The following HMCN2 variants were observed in gnomAD, a reference collection of about 807,000 sequenced individuals.
The protein encoded by HMCN2 is hemicentin-2.
A neutral mutation model predicts 377.5 loss-of-function variants in HMCN2; 325 were observed. That is an observed-to-expected ratio of 0.86 (90% CI 0.79 to 0.94). The LOEUF (loss-of-function observed/expected upper bound fraction) is 0.94. Among genes scored for constraint, HMCN2 ranks in the 40% least tolerant of loss-of-function variants. The probability of loss-of-function intolerance (pLI) is 0.00; values close to 1 mark genes in which losing one functional copy is unlikely to be tolerated. For missense variants in HMCN2, 4,543 were observed against 4,725.3 expected (o/e 0.96, Z 1.13); for synonymous variants, 2,007 against 2,046.8 (o/e 0.98, Z 0.53).
At chr9:130,352,355 A>G (rs1396230723) in intron 30 of HMCN2, among the ~76,000 whole-genome samples, 2 of 152,254 alleles carry the variant, frequency 1.3e-5, no homozygotes, top group Non-Finnish European at 2.9e-5. Context: ...CCCAGCCTGC[A>G]TCTGCACTCT....
intron 1 of HMCN2, among the ~76,000 whole-genome samples, chr9:130,283,551 C>G (rs1231952708): frequency 6.6e-6 from 1 of 152,198 alleles, no homozygotes; most frequent in Non-Finnish European, 1.5e-5. Flanking sequence ...ACATTCCTAT[C>G]ACAATATAGA....
At chr9:130,364,011 AAAAG>A (rs910967089) in intron 40 of HMCN2, among the ~76,000 whole-genome samples, 14 of 152,232 alleles carry the variant, frequency 9.2e-5, no homozygotes, top group Non-Finnish European at 1.5e-4. Flanking sequence ...GAAAGAAAGA[AAAAG>A]AAAGAAAACG....
intron 46 of HMCN2, among the ~76,000 whole-genome samples, chr9:130,371,765 G>C (rs1253213255): frequency 6.6e-6 from 1 of 152,206 alleles, no homozygotes; most frequent in Non-Finnish European, 1.5e-5. Context: ...GACTGCATTG[G>C]GCCCAGTGGA....
Position 130,361,074 on chromosome 9 carries a change from C to T in HMCN2, c.5950+470C>T, listed in dbSNP as rs1445517356. 6.6e-6 allele frequency among the ~76,000 whole-genome samples: 1 copy of T among 152,192 alleles called. No homozygotes were observed. Among genetic ancestry groups the T allele is most frequent in the Non-Finnish European group, 1.5e-5 (1 of 68,038 alleles). ...ATTCACCATCCATTCAGTCATTCAA[C>T]TACCCATTCTTTCCTTGATCCATTT... On this transcript the variant is annotated intron_variant, in intron 38 of 97. Transcript: ENST00000683500. The surrounding 1 kb of genome is among the most constrained non-coding windows in gnomAD (Gnocchi z 4.8).
intron 76 of HMCN2, chr9:130,400,522 G>A (rs1298537576): frequency 4.7e-6 from 1 of 213,380 alleles, no homozygotes; most frequent in African/African-American, 2.4e-5. Context: ...CTTGTGATTA[G>A]CCACTGCATT....
At chr9:130,371,821 A>G (rs1841036531) in intron 46 of HMCN2, among the ~76,000 whole-genome samples, 1 of 152,230 alleles carries the variant, frequency 6.6e-6, no homozygotes, top group South Asian at 2.1e-4. Flanking sequence ...GGGTGCAGTA[A>G]CAGCAGTGGT....
chr9:130,297,116 T>G (rs1836209647), intron 7 of HMCN2, among the ~76,000 whole-genome samples: 1 of 152,258 alleles, frequency 6.6e-6, no homozygotes, highest in Non-Finnish European at 1.5e-5. Context: ...TTCTTCTTTC[T>G]TTTTGTCAAA....
chr9:130,299,003 G>T, intron 7 of HMCN2, 22 bp from the exon 8 acceptor site: 1 of 462,076 alleles, frequency 2.2e-6, no homozygotes, highest in Non-Finnish European at 4.5e-6. Flanking sequence ...CCAGCACTTT[G>T]TTCTTCACCT....
Position 130,379,472 on chromosome 9 carries a change from G to C in HMCN2, c.8431+5G>C. The stretch of plus-strand genomic sequence containing the variant: ...ATGAGGTGTCTGTGCTGCAAGGTGG[G>C]TCAGGGGTGCGTGAAGAAAGTGGGC... On this transcript the variant is annotated splice_donor_5th_base_variant and intron_variant, in intron 54 of 97. Transcript: ENST00000683500. 2 of 985,630 alleles carry C rather than the reference G, an allele frequency of 2.0e-6. No individual in the cohort carries two copies. Among genetic ancestry groups the C allele is most frequent in the Non-Finnish European group, 2.4e-6 (2 of 829,790 alleles). The allele number at this position is 985,630 out of a possible 1,614,324, so 61.1% of individuals were successfully genotyped here.
Position 130,397,642 on chromosome 9 carries a change from C to G in HMCN2, c.11313C>G (p.Asp3771Glu). 1.6e-6 allele frequency: 2 copies of G among 1,289,806 alleles called. No individual in the cohort carries two copies. The highest frequency in any genetic ancestry group is 2.0e-6 in the Non-Finnish European group (2 of 988,874). The allele number at this position is 1,289,806 out of a possible 1,614,324, so 79.9% of individuals were successfully genotyped here. The change falls in exon 74 of 98, where the codon GAC (aspartate) becomes GAG (glutamate). Residue 3771 changes from aspartate (D) to glutamate (E), a missense_variant. Transcript: ENST00000683500. ...CTGGCTCCGATCGTCAAGGCCGTGA[C>G]CTACGGGTCTTGGGTAGGTGGCCTG... ...NSAGSDRQGRDLRVLEPPAIA... is the reference protein window; with the variant it reads ...NSAGSDRQGRELRVLEPPAIA...
intron 85 of HMCN2, among the ~76,000 whole-genome samples, chr9:130,413,259 CT>C (rs1232481165): frequency 1.3e-5 from 2 of 152,026 alleles, no homozygotes; most frequent in Non-Finnish European, 2.9e-5. Flanking sequence ...TTTGCTTTGC[CT>C]TATTGCCTTG....
At chr9:130,385,953 G>A (rs1023266543) in intron 60 of HMCN2, among the ~76,000 whole-genome samples, 191 bp downstream of exon 60, 1 of 152,168 alleles carries the variant, frequency 6.6e-6, no homozygotes. Context: ...CTGGAGTCAC[G>A]TTCCAGACCC....
At chr9:130,278,155 C>G (rs955994584) in intron 1 of HMCN2, among the ~76,000 whole-genome samples, 1 of 152,062 alleles carries the variant, frequency 6.6e-6, no homozygotes, top group Non-Finnish European at 1.5e-5. Context: ...GACGCAGTCT[C>G]GCTCTGTCAC....
chr9:130,404,977 A>G lies in HMCN2; in HGVS notation c.12257A>G (p.Asp4086Gly), dbSNP rs1277192406. The change falls in exon 81 of 98, where the codon GAC becomes GGC. Residue 4086 changes from aspartate to glycine, a missense_variant. Physicochemically the swap from Asp to Gly is moderately conservative, Grantham distance 94. Around this residue, in one of 5 missense-constraint regions of HMCN2, gnomAD observed 1,073 missense variants for 1,319.5 expected, o/e 0.81. Coordinates refer to ENST00000683500, the MANE Select transcript of HMCN2 (RefSeq NM_001291815.2). ...RGSPEPNITW[D>G]KDGQPVSGAE... is the part of the protein sequence containing the mutation. Reference sequence around the variant, plus strand: ...AGTCCTGAGCCCAACATCACCTGGGACAAAGATGGCCAGCCTGTGTCGGGC... The same window carrying G: ...AGTCCTGAGCCCAACATCACCTGGGGCAAAGATGGCCAGCCTGTGTCGGGC... The G allele has an allele frequency of 7.8e-7, 1 of 1,289,676 alleles. No individual in the cohort carries two copies. Among genetic ancestry groups the G allele is most frequent in the South Asian group, 1.2e-5 (1 of 80,946 alleles). 79.9% of individuals were successfully genotyped at this position (1,289,676 alleles called of 1,614,324 possible).
intron 1 of HMCN2, among the ~76,000 whole-genome samples, chr9:130,280,643 G>GT (rs1225339367): frequency 6.6e-6 from 1 of 151,976 alleles, no homozygotes; most frequent in East Asian, 1.9e-4. Flanking sequence ...ACACTTACTT[G>GT]TTCAGTGAAA....
intron 24 of HMCN2, among the ~76,000 whole-genome samples, chr9:130,341,630 G>T (rs1259594259): frequency 1.3e-5 from 2 of 152,168 alleles, no homozygotes; most frequent in Admixed American, 6.5e-5. Flanking sequence ...CTTACCCTTG[G>T]GTGGTGACCT....
chr9:130,358,875 C>T (rs1463141931), intron 36 of HMCN2, among the ~76,000 whole-genome samples: 4 of 152,106 alleles, frequency 2.6e-5, no homozygotes, highest in South Asian at 2.1e-4. Flanking sequence ...GGGGTTTCAC[C>T]GTGTTGGCCA....
intron 1 of HMCN2, among the ~76,000 whole-genome samples, chr9:130,270,000 A>G (rs1348876180): frequency 6.8e-6 from 1 of 147,776 alleles, no homozygotes; most frequent in Admixed American, 6.8e-5. Context: ...TAGTAGAGAC[A>G]GGGTTTCACC....
At position 130,304,439 on chromosome 9, in the gene HMCN2, TG is replaced by T. The variant is rs1353670466; in HGVS notation, c.1544-288del. On this transcript the variant is annotated intron_variant, in intron 10 of 97. Transcript: ENST00000683500. The surrounding 1 kb of genome is among the most constrained non-coding windows in gnomAD (Gnocchi z 4.3). ...CATCTTCAGCTCGGAGGCATGAAGATGGGTGTCCGGCTTGTTGCACATTGCA... is the reference window on the plus strand; with the variant it reads ...CATCTTCAGCTCGGAGGCATGAAGATGGTGTCCGGCTTGTTGCACATTGCA... 6.6e-6 allele frequency among the ~76,000 whole-genome samples: 1 copy of T among 152,336 alleles called. No individual in the cohort carries two copies. Among genetic ancestry groups the T allele is most frequent in the East Asian group, 1.9e-4 (1 of 5,176 alleles).
Sources: allele counts gnomAD v4.1 joint callset (sites outside exome capture counted in the v4.1 genomes callset), GRCh38; gene constraint gnomAD v4.1.1; regional missense constraint gnomAD v4.1.1; non-coding constraint Gnocchi (gnomAD v3.1); transcripts MANE v1.5; gene names NCBI Gene and HGNC (gene_info 2026-07-23, HGNC 2026-07-21).